NT5DC2: variants seen among roughly 807,000 people sequenced by gnomAD.
The protein encoded by NT5DC2 is 5'-nucleotidase domain containing 2.
In NT5DC2, 41 loss-of-function variants were observed where a neutral mutation model predicts 70.0. The observed-to-expected ratio is 0.59, with a 90% CI of 0.46 to 0.76. The LOEUF (loss-of-function observed/expected upper bound fraction) is 0.76, where lower values mean the gene tolerates loss of function less well. Ranked by LOEUF, NT5DC2 falls within the 30% of genes least tolerant of loss-of-function variation. The pLI is 0.00. For synonymous variants in NT5DC2, 299 were observed against 310.4 expected (o/e 0.96, Z 0.39); for missense variants, 705 against 783.2 (o/e 0.90, Z 1.19).
chr3:52,528,714 G>A, intron 3 of NT5DC2, 22 bp from the exon 4 acceptor site: 1 of 1,606,562 alleles, frequency 6.2e-7, no homozygotes, highest in Non-Finnish European at 8.5e-7. Flanking sequence ...AGGGAGGCAG[G>A]ACGGATGGTG....
In NT5DC2 at chr3:52,531,452, C is replaced by T. The variant is rs111659672; in HGVS notation, c.232+2054G>A. 3.9e-4 allele frequency among the ~76,000 whole-genome samples: 60 copies of T among 152,210 alleles called. No individual in the cohort carries two copies. Among genetic ancestry groups the T allele is most frequent in the Middle Eastern group, 6.8e-3 (2 of 294 alleles). On this transcript the variant is annotated intron_variant, in intron 1 of 13. Transcript: ENST00000422318. The surrounding 1 kb of genome is among the most constrained non-coding windows in gnomAD (Gnocchi z 4.1). Reference sequence around the variant, plus strand: ...TGCAGAAGACCTGGGAGGGTCTGCTCGGCAGTGCAGCCCCTTGCTGGCACA... The same window carrying T: ...TGCAGAAGACCTGGGAGGGTCTGCTTGGCAGTGCAGCCCCTTGCTGGCACA...
chr3:52,528,380 C>T, intron 5 of NT5DC2, 66 bp downstream of exon 5: 10 of 1,613,152 alleles, frequency 6.2e-6, no homozygotes, highest in Non-Finnish European at 7.6e-6. Context: ...AGACGAGGGC[C>T]CCAAATCTGC....
intron 10 of NT5DC2, chr3:52,525,701 A>G: frequency 5.5e-6 from 1 of 180,492 alleles, no homozygotes; most frequent in Non-Finnish European, 1.2e-5. Flanking sequence ...GGCCACCAGC[A>G]TCTTGGAGCC....
intron 1 of NT5DC2, among the ~76,000 whole-genome samples, chr3:52,530,359 C>T (rs368709686): frequency 2.0e-4 from 30 of 152,220 alleles, no homozygotes; most frequent in East Asian, 7.7e-4. Context: ...GGCTGAGAGG[C>T]CCCATGTTAC....
At chr3:52,527,984 G>C (rs758461013) in intron 7 of NT5DC2, 29 bp downstream of exon 7, 1 of 1,613,042 alleles carries the variant, frequency 6.2e-7, no homozygotes, top group Non-Finnish European at 8.5e-7. Flanking sequence ...GCTCAGGCCG[G>C]CCACGGCAGG....
chr3:52,534,688 G>T (rs367757629), upstream of NT5DC2: 4 of 1,578,824 alleles, frequency 2.5e-6, no homozygotes, highest in Middle Eastern at 1.7e-4. Context: ...GAGCCCGCAC[G>T]CATACCAGGC....
At chr3:52,525,945 G>A (rs1464025541) in intron 10 of NT5DC2, 2 of 152,468 alleles carry the variant, frequency 1.3e-5, no homozygotes, top group African/African-American at 4.8e-5. Flanking sequence ...AACAGGTGGT[G>A]TGGGAGAAGC....
chr3:52,533,512 C>G lies in NT5DC2; in HGVS notation c.226G>C (p.Val76Leu). The G allele has an allele frequency of 6.7e-7, 1 of 1,491,604 alleles. No homozygotes were observed. Among genetic ancestry groups the G allele is most frequent in the Middle Eastern group, 2.1e-4 (1 of 4,784 alleles). 92.4% of individuals were successfully genotyped at this position (1,491,604 alleles called of 1,614,324 possible). The stretch of plus-strand genomic sequence containing the variant: ...CCCGCCCCGGCTCACCCACCGTGCA[C>G]CAGTCTCCGCATGTCCTGGTAGCGA... ...WARYQDMRRLVHDLLPPEVCS... is the reference protein window; with the variant it reads ...WARYQDMRRLLHDLLPPEVCS... The change falls in exon 1 of 14, where the codon GTG becomes CTG. Residue 76 changes from valine (V) to leucine (L), a missense_variant. Physicochemically the swap from Val to Leu is conservative, Grantham distance 32 (BLOSUM62 1). Transcript: ENST00000422318.
rs775526516 is a variant in NT5DC2, at chr3:52,527,647, TCTGC to T, written c.1003_1006del (p.Ala335ThrfsTer47). 1 of 1,613,102 alleles carries T rather than the reference TCTGC, an allele frequency of 6.2e-7. No homozygotes were observed. The highest frequency in any genetic ancestry group is 1.1e-5 in the South Asian group (1 of 91,082). ...CCGGTCAGTGAAGAAGCTGGGCTTG[TCTGC>T]CTGGACAATGACCACATCGAAGAGC... is the stretch of plus-strand genomic sequence containing the variant. On this transcript the variant is annotated frameshift_variant, in exon 9 of 14. Coordinates refer to ENST00000422318, the MANE Select transcript of NT5DC2 (RefSeq NM_001134231.2). LOFTEE classifies it high-confidence loss of function.
At chr3:52,527,100 A>C (rs1034729043) in intron 10 of NT5DC2, among the ~76,000 whole-genome samples, 194 bp downstream of exon 10, 5 of 152,206 alleles carry the variant, frequency 3.3e-5, no homozygotes, top group African/African-American at 7.2e-5. Flanking sequence ...TTAGGAATTC[A>C]AAGCCAGGCT....
In NT5DC2 at chr3:52,529,135, G is replaced by A. The variant is rs1415762630; in HGVS notation, c.417+15C>T. The A allele has an allele frequency of 2.5e-6, 4 of 1,613,838 alleles. No individual in the cohort carries two copies. The Admixed American group carries it at 6.7e-5, about 27-fold the overall frequency. ...CAAGCCCTGGGTTTGTTGGTGGCAA[G>A]GACCCCCGTCTCACCTTGTAGTGCT... is the stretch of plus-strand genomic sequence containing the variant. On this transcript the variant is annotated intron_variant, in intron 2 of 13. Transcript: ENST00000422318. This position sits in a 1 kb window ranked among gnomAD's most constrained non-coding sequence, Gnocchi z 4.1.
At chr3:52,533,973 C>A (rs1247723668), upstream of NT5DC2, 3 of 376,772 alleles carry the variant, frequency 8.0e-6, no homozygotes, top group African/African-American at 4.4e-5. Flanking sequence ...GCCCCCTCCC[C>A]CAGCCAGTCT....
rs778143302 is a variant in NT5DC2 at position 52,525,035 on chromosome 3, G to A, written c.1275C>T (p.Ile425=). 15 of 1,605,198 alleles carry A rather than the reference G, an allele frequency of 9.3e-6. No homozygotes were observed. The African/African-American group carries it at 9.4e-5, about 10-fold the overall frequency. Residue 425 remains isoleucine, a synonymous_variant, in exon 12 of 14, where the codon ATC becomes ATT. Transcript: ENST00000422318. ...AGTGCATGTACTGCTCCGTGTTGATGATGCGGATCTCACGCTCCAGCTCGG... is the reference window on the plus strand; with the variant it reads ...AGTGCATGTACTGCTCCGTGTTGATAATGCGGATCTCACGCTCCAGCTCGG... ...IIPELEREIR[I]INTEQYMHSL... is the part of the protein sequence containing the mutation.
rs181281206 is a variant in NT5DC2, at chr3:52,529,439, C to T, written c.233-105G>A. The T allele has an allele frequency of 1.6e-4, 167 of 1,076,946 alleles. No homozygotes were observed. The South Asian group carries it at 1.7e-3, about 11-fold the overall frequency. 66.7% of individuals were successfully genotyped at this position (1,076,946 alleles called of 1,614,324 possible). On this transcript the variant is annotated intron_variant, in intron 1 of 13. Transcript: ENST00000422318. The surrounding 1 kb of genome is among the most constrained non-coding windows in gnomAD (Gnocchi z 4.1). ...GACCTAGCCCTGTGAGCCTCAGAAACGCCCCACAATGGCACCTCTTATTCC... is the reference window on the plus strand; with the variant it reads ...GACCTAGCCCTGTGAGCCTCAGAAATGCCCCACAATGGCACCTCTTATTCC...
rs1427580942 is a variant in NT5DC2 at position 52,533,725 on chromosome 3, C to T, written c.13G>A (p.Gly5Arg). 2.6e-4 allele frequency: 256 copies of T among 990,266 alleles called. No individual in the cohort carries two copies. The highest frequency in any genetic ancestry group is 2.9e-4 in the Non-Finnish European group (240 of 834,844). The allele number at this position is 990,266 out of a possible 1,614,324, so 61.3% of individuals were successfully genotyped here. A position where few individuals can be genotyped will look rare whatever the true frequency, so the allele number is the denominator to read the frequency against. The change falls in exon 1 of 14, where the codon GGG becomes AGG. Residue 5 changes from glycine (G) to arginine (R), a missense_variant. By Grantham distance (125) the Gly-to-Arg change is moderately radical. Coordinates refer to ENST00000422318, the MANE Select transcript of NT5DC2 (RefSeq NM_001134231.2). Reference sequence around the variant, plus strand: ...CAGCGCCGAGCGGCCGCCCGCAGCCCCGCACCCGCCATGCCCACCGCGCGC... The same window carrying T: ...CAGCGCCGAGCGGCCGCCCGCAGCCTCGCACCCGCCATGCCCACCGCGCGC... MAGA[G>R]LRAAARRWLL...
intron 1 of NT5DC2, 59 bp downstream of exon 1, chr3:52,533,447 T>C (rs183059955): frequency 0.044 from 63,654 of 1,453,262 alleles, 1,678 homozygotes; most frequent in Non-Finnish European, 0.05. Flanking sequence ...TGGGGCTCGG[T>C]CCGTCCATCA....
upstream of NT5DC2, chr3:52,534,427 G>A (rs777230928): frequency 3.8e-6 from 6 of 1,583,528 alleles, no homozygotes; most frequent in Admixed American, 1.7e-5. Flanking sequence ...GGGCCTGCAG[G>A]GCAGCCGACG....
At chr3:52,534,796 C>A, upstream of NT5DC2, 1 of 1,003,404 alleles carries the variant, frequency 1.0e-6, no homozygotes, top group African/African-American at 1.6e-5. Flanking sequence ...GCCGCGCTGT[C>A]TTTCAGGGTG....
rs2079239170 is a variant in NT5DC2 at position 52,525,229 on chromosome 3, G to A, written c.1186C>T (p.His396Tyr). 1.2e-6 allele frequency: 2 copies of A among 1,612,448 alleles called. No homozygotes were observed. Among genetic ancestry groups the A allele is most frequent in the Non-Finnish European group, 1.7e-6 (2 of 1,179,850 alleles). Residue 396 changes from histidine to tyrosine, a missense_variant, in exon 11 of 14, where the codon CAC becomes TAC. Physicochemically the swap from His to Tyr is moderately conservative, Grantham distance 83. Coordinates refer to ENST00000422318, the MANE Select transcript of NT5DC2 (RefSeq NM_001134231.2). ...RGPRVLYFGD[H>Y]LYSDLADLML... ...CTCACCGCCAGATCACTATAGAGGT[G>A]GTCCCCGAAGTAGAGCACGCGGGGG...
Sources: gnomAD v4.1 joint callset for allele counts (sites outside exome capture counted in the v4.1 genomes callset) on GRCh38, gnomAD v4.1.1 for gene constraint, Gnocchi (gnomAD v3.1) non-coding constraint, MANE v1.5 for transcripts, NCBI Gene and HGNC (gene_info 2026-07-23, HGNC 2026-07-21) for gene names.